Variants in GID4 observed in about 807,000 individuals in gnomAD.
GID4 encodes the protein glucose-induced degradation protein 4 homolog.
In GID4, 7 loss-of-function variants were observed where a neutral mutation model predicts 32.4. The ratio of observed to expected loss-of-function variants is 0.22; its 90% CI spans 0.12 to 0.41. The LOEUF is 0.41. Ranked by LOEUF, GID4 falls within the 10% of genes least tolerant of loss-of-function variation. GID4 has a pLI of 1.00. For missense variants in GID4, 309 were observed against 400.0 expected (o/e 0.77, Z 1.94); for synonymous variants, 166 against 170.0 (o/e 0.98, Z 0.18).
chr17:18,045,048 G>T, intron 1 of GID4, 99 bp from the exon 2 acceptor site: 1 of 879,294 alleles, frequency 1.1e-6, no homozygotes, highest in South Asian at 1.5e-5. Flanking sequence ...GGTGTTCACT[G>T]ACCACCAGTC....
intron 5 of GID4, 86 bp from the exon 6 acceptor site, chr17:18,065,094 G>A: frequency 1.1e-6 from 1 of 915,218 alleles, no homozygotes; most frequent in Non-Finnish European, 1.8e-6. Context: ...CTTGTTGGGT[G>A]CTCTGCTTTT....
In GID4 at chr17:18,045,200, T is replaced by C; in HGVS notation, c.492T>C (p.Leu164=). ...YLCGYLKIKG[L]TEEYPTLTTF... is the part of the protein sequence containing the mutation. ...GTGGGTACTTGAAGATTAAAGGCCT[T>C]ACTGAGGTAAGCACTTGCTCACACA... Residue 164 remains leucine, a synonymous_variant, in exon 2 of 6, where the codon CTT becomes CTC. Transcript: ENST00000268719. The C allele has an allele frequency of 6.2e-7, 1 of 1,611,086 alleles. No homozygotes were observed. The highest frequency in any genetic ancestry group is 8.5e-7 in the Non-Finnish European group (1 of 1,177,238).
At chr17:18,044,592 A>G (rs751637995) in intron 1 of GID4, among the ~76,000 whole-genome samples, 1 of 152,248 alleles carries the variant, frequency 6.6e-6, no homozygotes, top group Non-Finnish European at 1.5e-5. Context: ...AGTTTATACC[A>G]CATAAATCTT....
intron 5 of GID4, among the ~76,000 whole-genome samples, chr17:18,062,517 C>T (rs188261853): frequency 6.6e-6 from 1 of 152,320 alleles, no homozygotes; most frequent in African/African-American, 2.4e-5. Context: ...GAGGGATTCT[C>T]CTGCCTCCTT....
chr17:18,045,684 A>G (rs1199007296), intron 2 of GID4, among the ~76,000 whole-genome samples: 4 of 151,814 alleles, frequency 2.6e-5, no homozygotes, highest in African/African-American at 7.3e-5. Context: ...CACTTGAGGT[A>G]GGGAGACCAG....
chr17:18,057,946 C>G (rs2044984719), intron 3 of GID4, among the ~76,000 whole-genome samples: 1 of 152,052 alleles, frequency 6.6e-6, no homozygotes, highest in Non-Finnish European at 1.5e-5. Flanking sequence ...CCATTCTCCT[C>G]CTCAGCCTCC....
At chr17:18,053,784 A>G (rs1470305293) in intron 2 of GID4, among the ~76,000 whole-genome samples, 1 of 152,206 alleles carries the variant, frequency 6.6e-6, no homozygotes, top group Non-Finnish European at 1.5e-5. Context: ...GGAAAGTAAA[A>G]TCTACCAAGT....
intron 3 of GID4, 84 bp downstream of exon 3, chr17:18,054,318 A>G: frequency 1.2e-6 from 1 of 828,084 alleles, no homozygotes; most frequent in East Asian, 2.6e-5. Flanking sequence ...CTTGTCCCTT[A>G]TTGAGGATTA....
chr17:18,045,025 T>C lies in GID4; in HGVS notation c.439-122T>C. 3.0e-6 allele frequency: 2 copies of C among 662,240 alleles called. 1 individual carries two copies. The highest frequency in any genetic ancestry group is 3.7e-5 in the South Asian group (2 of 53,902). The allele number at this position is 662,240 out of a possible 1,614,324, so 41.0% of individuals were successfully genotyped here. A position where few individuals can be genotyped will look rare whatever the true frequency, so the allele number is the denominator to read the frequency against. On this transcript the variant is annotated intron_variant, in intron 1 of 5. Coordinates refer to ENST00000268719, the MANE Select transcript of GID4 (RefSeq NM_024052.5). ...CAAGATTCCAGAGACTGGGTGAGCC[T>C]TGGACTGCCCTGGGTGTTCACTGAC...
intron 5 of GID4, among the ~76,000 whole-genome samples, chr17:18,064,573 G>T (rs1012743875): frequency 6.6e-6 from 1 of 152,116 alleles, no homozygotes; most frequent in African/African-American, 2.4e-5. Flanking sequence ...TAGATTGTCT[G>T]CCCCTATTTC....
intron 5 of GID4, among the ~76,000 whole-genome samples, chr17:18,063,769 T>A (rs778964431): frequency 1.3e-5 from 2 of 152,170 alleles, no homozygotes; most frequent in Non-Finnish European, 2.9e-5. Context: ...TGAAACAAAG[T>A]CTCGCTCTTG....
Position 18,045,226 on chromosome 17 carries a change from A to G in GID4, c.498+20A>G, listed in dbSNP as rs1233777947. 3 of 1,603,696 alleles carry G rather than the reference A, an allele frequency of 1.9e-6. No individual in the cohort carries two copies. The highest frequency in any genetic ancestry group is 2.2e-5 in the East Asian group (1 of 44,854). On this transcript the variant is annotated intron_variant, in intron 2 of 5. Transcript: ENST00000268719. The stretch of plus-strand genomic sequence containing the variant: ...ACTGAGGTAAGCACTTGCTCACACA[A>G]ACCAGCACTAGAAAGTCTGTGGTGT...
At chr17:18,062,015 C>G in intron 5 of GID4, 40 bp downstream of exon 5, 1 of 1,604,992 alleles carries the variant, frequency 6.2e-7, no homozygotes, top group Non-Finnish European at 8.5e-7. Context: ...GGAGGGCTTG[C>G]TGCCCAGCTG....
chr17:18,054,106 A>G, intron 2 of GID4, 21 bp from the exon 3 acceptor site: 1 of 1,309,366 alleles, frequency 7.6e-7, no homozygotes. Flanking sequence ...TCTTATTTTG[A>G]TATTTGGGTT....
At chr17:18,053,009 CTTTTTTTTT>C (rs71155312) in intron 2 of GID4, among the ~76,000 whole-genome samples, 1 of 83,276 alleles carries the variant, frequency 1.2e-5, no homozygotes, top group African/African-American at 4.9e-5. Context: ...AAAGTATTTA[CTTTTTTTTT>C]TTTTTTTTTT....
chr17:18,045,622 C>T (rs568394668), intron 2 of GID4, among the ~76,000 whole-genome samples: 29 of 152,004 alleles, frequency 1.9e-4, no homozygotes, highest in African/African-American at 5.5e-4. Flanking sequence ...TGACTGGTCG[C>T]GGTGGCTCAT....
At chr17:18,051,485 T>C (rs2044909172) in intron 2 of GID4, among the ~76,000 whole-genome samples, 1 of 151,688 alleles carries the variant, frequency 6.6e-6, no homozygotes, top group Non-Finnish European at 1.5e-5. Context: ...AAGACCAGCC[T>C]GGCCAAGATG....
At position 18,068,213 on chromosome 17, in the gene GID4, GAA is replaced by G. The variant is rs1403611516; in HGVS notation, c.*2974_*2975del. On this transcript the variant is annotated 3_prime_UTR_variant, in exon 6 of 6. Coordinates refer to ENST00000268719, the MANE Select transcript of GID4 (RefSeq NM_024052.5). ...AAAATTACTAACAAGTTGTGGGAAA[GAA>G]AAATAATATTTGATTTTGAATCTTA... 2 of 152,564 alleles carry G rather than the reference GAA, an allele frequency of 1.3e-5. No homozygotes were observed. Among genetic ancestry groups the G allele is most frequent in the African/African-American group, 2.4e-5 (1 of 41,424 alleles). The allele number at this position is 152,564 out of a possible 1,614,324, so 9.5% of individuals were successfully genotyped here. A position where few individuals can be genotyped will look rare whatever the true frequency, so the allele number is the denominator to read the frequency against.
chr17:18,047,990 T>C (rs938025249), intron 2 of GID4, among the ~76,000 whole-genome samples: 2 of 151,546 alleles, frequency 1.3e-5, no homozygotes, highest in African/African-American at 2.4e-5. Context: ...AAGCTCCGCC[T>C]CCTGGGTTCA....
Sources: gnomAD v4.1 joint callset for allele counts (sites outside exome capture counted in the v4.1 genomes callset) on GRCh38, gnomAD v4.1.1 for gene constraint, MANE v1.5 for transcripts, NCBI Gene and HGNC (gene_info 2026-07-23, HGNC 2026-07-21) for gene names.